The following SNX25 variants were observed in gnomAD, a reference collection of about 807,000 sequenced individuals.
SNX25 encodes the protein sorting nexin 25.
Under a neutral mutation model 113.7 loss-of-function variants are expected in SNX25, and 62 were observed. The ratio of observed to expected loss-of-function variants is 0.55; its 90% CI spans 0.44 to 0.67. The LOEUF (loss-of-function observed/expected upper bound fraction) is 0.67. Ranked by LOEUF, SNX25 falls within the 30% of genes least tolerant of loss-of-function variation. The pLI, the probability that SNX25 is intolerant of heterozygous loss-of-function variation, is 0.00. For missense variants in SNX25, 1,014 were observed against 1,161.0 expected (o/e 0.87, Z 1.84); for synonymous variants, 421 against 436.2 (o/e 0.97, Z 0.43).
At chr4:185,213,822 C>A (rs780473677) in intron 1 of SNX25, among the ~76,000 whole-genome samples, 3 of 152,168 alleles carry the variant, frequency 2.0e-5, no homozygotes, top group Non-Finnish European at 4.4e-5. Flanking sequence ...AAAGAGGACA[C>A]CATTTCTTAC....
At chr4:185,299,261 C>G (rs1159824815) in intron 6 of SNX25, among the ~76,000 whole-genome samples, 5 of 152,078 alleles carry the variant, frequency 3.3e-5, no homozygotes, top group Admixed American at 3.3e-4. Context: ...GCCTTGTGCA[C>G]GTAGGTAGGT....
At chr4:185,220,617 G>C (rs769109563) in intron 1 of SNX25, among the ~76,000 whole-genome samples, 13 of 151,970 alleles carry the variant, frequency 8.6e-5, no homozygotes, top group Non-Finnish European at 1.5e-4. Flanking sequence ...AAGTAGCTGG[G>C]ATAAGGGTGC....
At chr4:185,338,273 T>G (rs1293373586) in intron 10 of SNX25, among the ~76,000 whole-genome samples, 5 of 147,332 alleles carry the variant, frequency 3.4e-5, no homozygotes, top group Non-Finnish European at 5.9e-5. Context: ...CTCTATATTC[T>G]GTGTGTTTTT....
Position 185,334,988 on chromosome 4 carries a change from G to A in SNX25, c.1914+2229G>A, listed in dbSNP as rs1052921582. ...AAGAAGACATAGTCCTCCTTTTGTC[G>A]TTTACTTATGTTGGTAAAAAATTAA... On this transcript the variant is annotated intron_variant, in intron 10 of 18. Transcript: ENST00000652585. This position sits in a 1 kb window ranked among gnomAD's most constrained non-coding sequence, Gnocchi z 4.2. 5.9e-5 allele frequency among the ~76,000 whole-genome samples: 9 copies of A among 152,174 alleles called. No individual in the cohort carries two copies. The highest frequency in any genetic ancestry group is 3.9e-4 in the East Asian group (2 of 5,176).
chr4:185,325,282 C>T (rs113481284), intron 9 of SNX25, among the ~76,000 whole-genome samples: 3,114 of 152,058 alleles, frequency 0.02, 75 homozygotes, highest in African/African-American at 0.052. Flanking sequence ...GCCTGTAATC[C>T]CAGCACTTTA....
In SNX25 at chr4:185,325,611, G is replaced by A. The variant is rs143271080; in HGVS notation, c.1749+1811G>A. ...ATTGGTTTAATTATTTGCATACAGC[G>A]CAGTAAGAAGAATTATTTATTAAAT... On this transcript the variant is annotated intron_variant, in intron 9 of 18. Coordinates refer to ENST00000652585, the MANE Select transcript of SNX25 (RefSeq NM_001378034.2). Among the ~76,000 whole-genome samples, 45 of 151,772 alleles carry A rather than the reference G, an allele frequency of 3.0e-4. 1 individual carries two copies. Among genetic ancestry groups the A allele is most frequent in the African/African-American group, 8.9e-4 (37 of 41,382 alleles).
downstream of SNX25, chr4:185,370,986 A>G (rs1369169000): frequency 6.7e-6 from 4 of 592,606 alleles, no homozygotes. Context: ...ATACCAGGAG[A>G]AGATGAGCTT....
intron 9 of SNX25, among the ~76,000 whole-genome samples, chr4:185,324,735 G>C (rs1260370586): frequency 6.6e-6 from 1 of 152,094 alleles, no homozygotes; most frequent in African/African-American, 2.4e-5. Context: ...TTGATCAAGG[G>C]GATCTTTAGA....
At chr4:185,212,491 G>GTGTGTGTTTTTGTTT (rs546083196) in intron 1 of SNX25, among the ~76,000 whole-genome samples, 1,837 of 104,792 alleles carry the variant, frequency 0.018, 69 homozygotes, top group East Asian at 0.09. Flanking sequence ...GTGTGTGTGT[G>GTGTGTGTTTTTGTTT]TTTTTTTTTT....
At chr4:185,260,293 A>G (rs1747109610) in intron 3 of SNX25, among the ~76,000 whole-genome samples, 1 of 152,080 alleles carries the variant, frequency 6.6e-6, no homozygotes. Context: ...TTTTGTTCCC[A>G]GGATTTCTCT....
chr4:185,235,037 C>T (rs1226089506), intron 1 of SNX25, among the ~76,000 whole-genome samples: 1 of 152,150 alleles, frequency 6.6e-6, no homozygotes, highest in Admixed American at 6.5e-5. Flanking sequence ...ATTTTAATTT[C>T]GTATTTGTTC....
chr4:185,358,327 A>G (rs1382696986), intron 16 of SNX25, among the ~76,000 whole-genome samples: 3 of 152,208 alleles, frequency 2.0e-5, no homozygotes, highest in Non-Finnish European at 2.9e-5. Context: ...AAGGCATTAT[A>G]TATGTATCCC....
intron 1 of SNX25, among the ~76,000 whole-genome samples, chr4:185,243,948 C>A (rs974366310): frequency 6.6e-6 from 1 of 152,204 alleles, no homozygotes; most frequent in African/African-American, 2.4e-5. Flanking sequence ...TATTCATACC[C>A]AGCCCTTACA....
At chr4:185,361,671 G>A (rs1306118730) in intron 16 of SNX25, among the ~76,000 whole-genome samples, 1 of 152,008 alleles carries the variant, frequency 6.6e-6, no homozygotes, top group Admixed American at 6.5e-5. Flanking sequence ...CTGGGAGGCA[G>A]AGGTTCCAGT....
At chr4:185,216,829 T>C (rs1166035954) in intron 1 of SNX25, among the ~76,000 whole-genome samples, 1 of 151,972 alleles carries the variant, frequency 6.6e-6, no homozygotes, top group Non-Finnish European at 1.5e-5. Context: ...CCGACAAAAG[T>C]GTGTATTTGA....
At chr4:185,211,830 C>G (rs1220157353) in intron 1 of SNX25, among the ~76,000 whole-genome samples, 1 of 152,142 alleles carries the variant, frequency 6.6e-6, no homozygotes, top group African/African-American at 2.4e-5. Context: ...CAGACCATCT[C>G]CCAGGGCATT....
At chr4:185,240,531 C>A (rs1395817379) in intron 1 of SNX25, among the ~76,000 whole-genome samples, 1 of 144,010 alleles carries the variant, frequency 6.9e-6, no homozygotes, top group African/African-American at 2.6e-5. Flanking sequence ...GGCTGACCCC[C>A]CCACCTCCCT....
chr4:185,271,042 T>C (rs1243842948), intron 5 of SNX25, among the ~76,000 whole-genome samples: 1 of 152,164 alleles, frequency 6.6e-6, no homozygotes, highest in East Asian at 1.9e-4. Flanking sequence ...ATGTTGCAGT[T>C]CCTAACCTCT....
At chr4:185,285,835 C>G (rs1751269494) in intron 5 of SNX25, among the ~76,000 whole-genome samples, 1 of 152,114 alleles carries the variant, frequency 6.6e-6, no homozygotes, top group Non-Finnish European at 1.5e-5. Flanking sequence ...TGCAGTAACA[C>G]AATCATAGCT....
Sources: allele counts gnomAD v4.1 joint callset (sites outside exome capture counted in the v4.1 genomes callset), GRCh38; gene constraint gnomAD v4.1.1; non-coding constraint Gnocchi (gnomAD v3.1); transcripts MANE v1.5; gene names NCBI Gene and HGNC (gene_info 2026-07-23, HGNC 2026-07-21).